Variants in PTPN4 observed in about 807,000 individuals in gnomAD.
PTPN4 encodes the protein protein tyrosine phosphatase non-receptor type 4.
In PTPN4, 49 loss-of-function variants were observed where a neutral mutation model predicts 135.5. The observed-to-expected ratio is 0.36, with a 90% CI of 0.29 to 0.46. The LOEUF is 0.46. Ranked by LOEUF, PTPN4 falls within the 20% of genes least tolerant of loss-of-function variation. PTPN4 has a pLI of 1.00. For missense variants in PTPN4, 860 were observed against 1,101.0 expected, an observed-to-expected ratio of 0.78 and a Z score of 3.10; for synonymous variants, 333 against 369.9, an observed-to-expected ratio of 0.90 and a Z score of 1.14.
chr2:119,934,927 C>G lies in PTPN4; in HGVS notation c.1324C>G (p.Gln442Glu). The G allele has an allele frequency of 6.2e-7, 1 of 1,613,910 alleles. No individual in the cohort carries two copies. The highest frequency in any genetic ancestry group is 1.3e-5 in the African/African-American group (1 of 75,048). The part of the protein sequence containing the change: ...FVNQRSPSST[Q>E]ANSIVLESSP... ...AAATCAGAGATCTCCGTCATCAACA[C>G]AAGCTAATAGCATTGTTCTGGAATC... Residue 442 changes from glutamine (Q) to glutamate (E), a missense_variant, in exon 15 of 27, where the codon CAA becomes GAA. By Grantham distance (29) the Gln-to-Glu change is conservative. Coordinates refer to ENST00000263708, the MANE Select transcript of PTPN4 (RefSeq NM_002830.4).
chr2:119,907,961 A>C (rs1392595075), intron 10 of PTPN4, among the ~76,000 whole-genome samples: 1 of 152,186 alleles, frequency 6.6e-6, no homozygotes, highest in Non-Finnish European at 1.5e-5. Flanking sequence ...CAAATGGATT[A>C]GAGAGTTACA....
At chr2:119,790,898 G>C (rs1450791315) in intron 1 of PTPN4, among the ~76,000 whole-genome samples, 1 of 151,930 alleles carries the variant, frequency 6.6e-6, no homozygotes, top group African/African-American at 2.4e-5. Context: ...TATCTCATGG[G>C]GGGAACTGCA....
chr2:119,879,150 T>C (rs1678032628), intron 5 of PTPN4, among the ~76,000 whole-genome samples: 1 of 152,076 alleles, frequency 6.6e-6, no homozygotes, highest in Non-Finnish European at 1.5e-5. Flanking sequence ...ACACCTTAGC[T>C]TAATATTGTA....
intron 1 of PTPN4, among the ~76,000 whole-genome samples, chr2:119,777,928 T>G (rs1024405665): frequency 1.3e-5 from 2 of 152,062 alleles, no homozygotes; most frequent in African/African-American, 4.8e-5. Context: ...AGTGCTGGGA[T>G]TATAGATGTG....
rs1677777993 is a variant in PTPN4 at position 119,862,655 on chromosome 2, A to G, written c.246+12A>G. 1 of 1,581,780 alleles carries G rather than the reference A, an allele frequency of 6.3e-7. No homozygotes were observed. Among genetic ancestry groups the G allele is most frequent in the Non-Finnish European group, 8.7e-7 (1 of 1,155,028 alleles). On this transcript the variant is annotated intron_variant, in intron 3 of 26. Coordinates refer to ENST00000263708, the MANE Select transcript of PTPN4 (RefSeq NM_002830.4). ...CCACAGATAACCCAGTAAGTGTAAG[A>G]TTTTGTCTTTCATTTTCATTTAGTT...
At chr2:119,772,199 T>C (rs1428390906) in intron 1 of PTPN4, among the ~76,000 whole-genome samples, 2 of 152,204 alleles carry the variant, frequency 1.3e-5, no homozygotes, top group African/African-American at 4.8e-5. Context: ...CAGTCAGTTA[T>C]AGTGGCTTAC....
intron 10 of PTPN4, among the ~76,000 whole-genome samples, chr2:119,903,571 A>G (rs1283976506): frequency 6.6e-6 from 1 of 151,364 alleles, no homozygotes; most frequent in Non-Finnish European, 1.5e-5. Context: ...ACACACACAC[A>G]CACACACACA....
At chr2:119,968,587 C>T (rs1035695759) in intron 26 of PTPN4, among the ~76,000 whole-genome samples, 11 of 152,088 alleles carry the variant, frequency 7.2e-5, no homozygotes, top group African/African-American at 2.7e-4. Context: ...GTCAGGAGAT[C>T]GAGACCATCC....
At chr2:119,762,920 A>T (rs1044717337) in intron 1 of PTPN4, among the ~76,000 whole-genome samples, 2 of 152,160 alleles carry the variant, frequency 1.3e-5, no homozygotes, top group Non-Finnish European at 2.9e-5. Flanking sequence ...TAAGCTGTGA[A>T]GCCTTGAAGT....
intron 2 of PTPN4, among the ~76,000 whole-genome samples, chr2:119,834,565 G>A (rs774009071): frequency 3.3e-5 from 5 of 152,062 alleles, no homozygotes; most frequent in African/African-American, 7.2e-5. Context: ...ATTGTATATT[G>A]TTGGCTGAAA....
intron 1 of PTPN4, among the ~76,000 whole-genome samples, chr2:119,808,313 T>TAC (rs1558732352): frequency 6.6e-6 from 1 of 151,986 alleles, no homozygotes; most frequent in African/African-American, 2.4e-5. Flanking sequence ...GACATGATTG[T>TAC]ATATATAGAA....
At position 119,982,256 on chromosome 2, in the gene PTPN4, G is replaced by T. The variant is rs1001703669; in HGVS notation, c.*5186G>T. The T allele has an allele frequency of 1.3e-4, 20 of 152,080 alleles. No individual in the cohort carries two copies. The highest frequency in any genetic ancestry group is 4.8e-4 in the African/African-American group (20 of 41,422). 9.4% of individuals were successfully genotyped at this position (152,080 alleles called of 1,614,324 possible). A position where few individuals can be genotyped will look rare whatever the true frequency, so the allele number is the denominator to read the frequency against. The stretch of plus-strand genomic sequence containing the variant: ...GAAAATATTTTTCTATGGACAGAAG[G>T]TTGAAACTGTTAACTTCTTTAATTT... On this transcript the variant is annotated 3_prime_UTR_variant, in exon 27 of 27. Coordinates refer to ENST00000263708, the MANE Select transcript of PTPN4 (RefSeq NM_002830.4).
intron 13 of PTPN4, among the ~76,000 whole-genome samples, chr2:119,929,459 T>G (rs1678870195): frequency 6.6e-6 from 1 of 152,156 alleles, no homozygotes; most frequent in Non-Finnish European, 1.5e-5. Context: ...TTTTTTCTGA[T>G]TATCACCTCT....
At chr2:119,888,115 G>A (rs985702273) in intron 9 of PTPN4, among the ~76,000 whole-genome samples, 2 of 151,922 alleles carry the variant, frequency 1.3e-5, no homozygotes, top group Non-Finnish European at 2.9e-5. Context: ...GGTATTTTTT[G>A]TAGCTATTGT....
intron 1 of PTPN4, among the ~76,000 whole-genome samples, chr2:119,765,938 G>A (rs565001619): frequency 3.2e-4 from 48 of 152,056 alleles, no homozygotes; most frequent in Admixed American, 5.9e-4. Context: ...GTGTGTGCGC[G>A]CGCGCATGTG....
rs571734674 is a variant in PTPN4, at chr2:119,889,733, C to CT, written c.675+3858dup. On this transcript the variant is annotated intron_variant, in intron 9 of 26. Coordinates refer to ENST00000263708, the MANE Select transcript of PTPN4 (RefSeq NM_002830.4). ...AGACTGTTAACTTGTAATCTTTCTC[C>CT]TTTTTTTGTGTAGGCATTTATTGCT... Among the ~76,000 whole-genome samples the CT allele has an allele frequency of 4.3e-4, 66 of 152,092 alleles. 2 individuals are homozygous for CT. The East Asian group carries it at 0.012, about 27-fold the overall frequency.
At chr2:119,943,706 C>G (rs541277938) in intron 15 of PTPN4, among the ~76,000 whole-genome samples, 2 of 151,002 alleles carry the variant, frequency 1.3e-5, no homozygotes, top group African/African-American at 4.9e-5. Context: ...CTGCCTCAGC[C>G]CCCCCGAGTA....
intron 15 of PTPN4, among the ~76,000 whole-genome samples, chr2:119,938,493 C>G (rs190235045): frequency 1.3e-3 from 194 of 152,026 alleles, no homozygotes; most frequent in African/African-American, 4.5e-3. Context: ...GGTGCCCCCT[C>G]CTTTAGTACA....
chr2:119,936,370 C>T (rs961309918), intron 15 of PTPN4, among the ~76,000 whole-genome samples: 5 of 152,286 alleles, frequency 3.3e-5, no homozygotes, highest in Admixed American at 1.3e-4. Context: ...TCTGTGTCCT[C>T]ACCCAGATCT....
Sources: gnomAD v4.1 joint callset for allele counts (sites outside exome capture counted in the v4.1 genomes callset) on GRCh38, gnomAD v4.1.1 for gene constraint, MANE v1.5 for transcripts, NCBI Gene and HGNC (gene_info 2026-07-23, HGNC 2026-07-21) for gene names.